The following ROBO1 variants were observed in gnomAD, a reference collection of about 807,000 sequenced individuals.
ROBO1 encodes roundabout homolog 1.
In ROBO1, 149 loss-of-function variants were observed where a neutral mutation model predicts 195.9. The ratio of observed to expected loss-of-function variants is 0.76; its 90% CI spans 0.67 to 0.87. The LOEUF is 0.87. Ranked by LOEUF, ROBO1 falls within the 40% of genes least tolerant of loss-of-function variation. The pLI is 0.00. For missense variants in ROBO1, 1,933 were observed against 2,068.3 expected, an observed-to-expected ratio of 0.93 and a Z score of 1.27; for synonymous variants, 816 against 733.2, an observed-to-expected ratio of 1.11 and a Z score of -1.82.
intron 1 of ROBO1, among the ~76,000 whole-genome samples, chr3:79,764,281 T>C (rs1704867384): frequency 6.6e-6 from 1 of 152,224 alleles, no homozygotes. Context: ...TAATATATTT[T>C]AGGTACAAAT....
At chr3:79,436,702 T>C (rs1238447898) in intron 2 of ROBO1, among the ~76,000 whole-genome samples, 1 of 152,078 alleles carries the variant, frequency 6.6e-6, no homozygotes, top group East Asian at 1.9e-4. Context: ...GTTTGAAGTG[T>C]TAAAGCTGAT....
At chr3:78,611,500 A>G (rs1899893) in intron 28 of ROBO1, among the ~76,000 whole-genome samples, 1 of 152,170 alleles carries the variant, frequency 6.6e-6, no homozygotes, top group African/African-American at 2.4e-5. Context: ...AGAGGCAAAT[A>G]TGGAATAAAT....
intron 1 of ROBO1, among the ~76,000 whole-genome samples, chr3:79,632,496 T>C (rs1945375112): frequency 6.6e-6 from 1 of 152,074 alleles, no homozygotes; most frequent in African/African-American, 2.4e-5. Flanking sequence ...AGGAGGGTAG[T>C]GAGGGTTTAA....
At chr3:79,128,966 C>T (rs2108581955) in intron 2 of ROBO1, among the ~76,000 whole-genome samples, 1 of 152,286 alleles carries the variant, frequency 6.6e-6, no homozygotes. Context: ...TCATCCTGTT[C>T]TTTTCAAAAT....
chr3:79,373,589 T>C (rs1246214155), intron 2 of ROBO1, among the ~76,000 whole-genome samples: 1 of 152,206 alleles, frequency 6.6e-6, no homozygotes, highest in African/African-American at 2.4e-5. Context: ...TTTAAAATAC[T>C]GAGCCACTGA....
chr3:78,634,087 C>A, intron 23 of ROBO1, 45 bp from the exon 24 acceptor site: 1 of 1,301,358 alleles, frequency 7.7e-7, no homozygotes, highest in South Asian at 1.3e-5. Context: ...ATTTTCTCTT[C>A]ATGAGCGATT....
chr3:79,596,440 C>T (rs564986881), intron 1 of ROBO1, among the ~76,000 whole-genome samples: 5 of 151,790 alleles, frequency 3.3e-5, no homozygotes, highest in Non-Finnish European at 5.9e-5. Context: ...TTGCACAAGT[C>T]CAGTATTGGG....
At chr3:78,939,222 C>T (rs1291510165) in intron 3 of ROBO1, among the ~76,000 whole-genome samples, 1 of 152,086 alleles carries the variant, frequency 6.6e-6, no homozygotes. Context: ...TGTGTTTATA[C>T]CATGCATGTG....
At chr3:79,644,081 G>T (rs1217065412) in intron 1 of ROBO1, among the ~76,000 whole-genome samples, 1 of 151,998 alleles carries the variant, frequency 6.6e-6, no homozygotes, top group Non-Finnish European at 1.5e-5. Flanking sequence ...TAAATAGATT[G>T]CAAATCAAAG....
chr3:79,508,525 G>A (rs922892378), intron 2 of ROBO1, among the ~76,000 whole-genome samples: 1 of 152,118 alleles, frequency 6.6e-6, no homozygotes, highest in Non-Finnish European at 1.5e-5. Flanking sequence ...AACTACCATT[G>A]CTCAATAGAA....
intron 4 of ROBO1, among the ~76,000 whole-genome samples, chr3:78,861,569 G>C (rs541180732): frequency 6.6e-6 from 1 of 151,992 alleles, no homozygotes; most frequent in Non-Finnish European, 1.5e-5. Context: ...ATGAATCTTC[G>C]GAAAATGCCA....
chr3:79,717,903 A>G (rs1702552766), intron 1 of ROBO1, among the ~76,000 whole-genome samples: 2 of 152,018 alleles, frequency 1.3e-5, no homozygotes, highest in African/African-American at 4.8e-5. Context: ...TGGAAGGAGA[A>G]TGAAGCTATG....
rs186204143 is a variant in ROBO1, at chr3:78,865,608, A to T, written c.499+72993T>A. Among the ~76,000 whole-genome samples the T allele has an allele frequency of 4.9e-3, 738 of 151,276 alleles. 4 individuals carry two copies. The highest frequency in any genetic ancestry group is 9.3e-3 in the Admixed American group (140 of 15,132). On this transcript the variant is annotated intron_variant, in intron 4 of 30. Transcript: ENST00000464233. ...TGCCTCAGCCTCCCGAGTAGCTGGG[A>T]TTACAGGTGCCTGCCACCACACCCA...
intron 4 of ROBO1, among the ~76,000 whole-genome samples, chr3:78,787,999 G>A (rs1457869390): frequency 7.2e-6 from 1 of 139,418 alleles, no homozygotes; most frequent in Non-Finnish European, 1.5e-5. Context: ...GAGTGCAGGG[G>A]CACGATCTCG....
rs1047813573 is a variant in ROBO1 at position 79,589,721 on chromosome 3, G to T, written c.88+103C>A. On this transcript the variant is annotated intron_variant, in intron 2 of 30. Coordinates refer to ENST00000464233, the MANE Select transcript of ROBO1 (RefSeq NM_002941.4). ...TTCACACAGACTTACAAGTTCCAAAGAAAATGAACAAACTTGATTTGCAAC... is the reference window on the plus strand; with the variant it reads ...TTCACACAGACTTACAAGTTCCAAATAAAATGAACAAACTTGATTTGCAAC... The T allele has an allele frequency of 7.5e-6, 7 of 938,644 alleles. No individual in the cohort carries two copies. The Admixed American group carries it at 8.0e-5, about 11-fold the overall frequency. The allele number at this position is 938,644 out of a possible 1,614,324, so 58.1% of individuals were successfully genotyped here.
chr3:79,172,411 T>C lies in ROBO1; in HGVS notation c.89-46872A>G, dbSNP rs76470195. Among the ~76,000 whole-genome samples, 218 of 152,310 alleles carry C rather than the reference T, an allele frequency of 1.4e-3. 1 individual carries two copies. The highest frequency in any genetic ancestry group is 5.0e-3 in the African/African-American group (207 of 41,564). The stretch of plus-strand genomic sequence containing the variant: ...TCTCTAAAAATTTTTGTCTCAATTT[T>C]CTGTACTTCATCATCCCCTTGGGAG... On this transcript the variant is annotated intron_variant, in intron 2 of 30. Transcript: ENST00000464233.
At chr3:79,731,920 C>A (rs1185580533) in intron 1 of ROBO1, among the ~76,000 whole-genome samples, 1 of 151,990 alleles carries the variant, frequency 6.6e-6, no homozygotes, top group Non-Finnish European at 1.5e-5. Flanking sequence ...GAAACTGAAA[C>A]AAATGTCATC....
At chr3:79,306,047 A>G (rs944831112) in intron 2 of ROBO1, among the ~76,000 whole-genome samples, 1 of 152,200 alleles carries the variant, frequency 6.6e-6, no homozygotes, top group Non-Finnish European at 1.5e-5. Flanking sequence ...AACAGGATAT[A>G]AATCCGAGAT....
chr3:79,483,757 T>C (rs1938994065), intron 2 of ROBO1, among the ~76,000 whole-genome samples: 1 of 152,122 alleles, frequency 6.6e-6, no homozygotes, highest in African/African-American at 2.4e-5. Flanking sequence ...CTATCATTGA[T>C]GGAAGCATTG....
Sources: gnomAD v4.1 joint callset for allele counts (sites outside exome capture counted in the v4.1 genomes callset) on GRCh38, gnomAD v4.1.1 for gene constraint, MANE v1.5 for transcripts, NCBI Gene and HGNC (gene_info 2026-07-23, HGNC 2026-07-21) for gene names.